Variants in NUP188 observed in about 807,000 individuals in gnomAD.
NUP188 encodes nucleoporin 188, also known as nucleoporin NUP188.
In NUP188, 97 loss-of-function variants were observed where a neutral mutation model predicts 223.0. The ratio of observed to expected loss-of-function variants is 0.43; its 90% CI spans 0.37 to 0.51. The LOEUF (loss-of-function observed/expected upper bound fraction) is 0.51, where lower values mean the gene tolerates loss of function less well. NUP188 is among the 20% of genes least tolerant of loss of function. NUP188 has a pLI of 0.00. For synonymous variants in NUP188, 869 were observed against 828.0 expected (o/e 1.05, Z -0.85); for missense variants, 1,947 against 2,175.6 (o/e 0.89, Z 2.09).
At position 129,002,897 on chromosome 9, in the gene NUP188, G is replaced by C. The variant is rs1422366966; in HGVS notation, c.4218G>C (p.Gln1406His). Residue 1406 changes from glutamine (Q) to histidine (H), a missense_variant, in exon 37 of 44, where the codon CAG becomes CAC. By Grantham distance (24) the Gln-to-His change is conservative. Coordinates refer to ENST00000372577, the MANE Select transcript of NUP188 (RefSeq NM_015354.3). ...VYRLSMSLME[Q>H]LLKTLRYNFL... ...GCCTGTCCATGTCCCTGATGGAGCA[G>C]CTGCTCAAAACTCTGCGCTACAACT... The C allele has an allele frequency of 6.2e-7, 1 of 1,614,108 alleles. No homozygotes were observed. Among genetic ancestry groups the C allele is most frequent in the African/African-American group, 1.3e-5 (1 of 74,948 alleles).
intron 41 of NUP188, 125 bp downstream of exon 41, chr9:129,005,901 C>G: frequency 1.4e-6 from 2 of 1,415,662 alleles, no homozygotes; most frequent in South Asian, 2.6e-5. Context: ...TCTCTGTAAA[C>G]TGAACATGAC....
Position 129,006,298 on chromosome 9 carries a change from G to C in NUP188, c.5003G>C (p.Arg1668Pro). Residue 1668 changes from arginine to proline, a missense_variant, in exon 43 of 44, where the codon CGG (arginine) becomes CCG (proline). By Grantham distance (103) the Arg-to-Pro change is moderately radical. Coordinates refer to ENST00000372577, the MANE Select transcript of NUP188 (RefSeq NM_015354.3). Reference sequence around the variant, plus strand: ...TACCTGCTCATCTCTCAGGCGATGCGGTACCTTAGGGACCCGGCTGTGCAC... The same window carrying C: ...TACCTGCTCATCTCTCAGGCGATGCCGTACCTTAGGGACCCGGCTGTGCAC... Reference protein sequence around the residue: ...CFYLLISQAMRYLRDPAVHPR... With the variant: ...CFYLLISQAMPYLRDPAVHPR... 1 of 1,614,126 alleles carries C rather than the reference G, an allele frequency of 6.2e-7. No homozygotes were observed. Among genetic ancestry groups the C allele is most frequent in the Non-Finnish European group, 8.5e-7 (1 of 1,180,024 alleles).
intron 2 of NUP188, among the ~76,000 whole-genome samples, chr9:128,950,267 G>T (rs1841763619): frequency 6.6e-6 from 1 of 151,660 alleles, no homozygotes; most frequent in African/African-American, 2.4e-5. Flanking sequence ...TCTCGCCCAG[G>T]TTGGAGTGCA....
chr9:128,980,725 G>A lies in NUP188; in HGVS notation c.1389G>A (p.Lys463=). ...ALVSGKSTAK[K]VYSFLDKMSF... is the part of the protein sequence containing the mutation. ...TATCAGGGAAGTCCACAGCCAAAAA[G>A]GTAAGTTGCTTAGTCAGATAAGTAA... The change falls in exon 14 of 44, where the codon AAG becomes AAA. Residue 463 remains lysine (K), a splice_region_variant and synonymous_variant. Transcript: ENST00000372577. The A allele has an allele frequency of 6.2e-7, 1 of 1,613,716 alleles. No individual in the cohort carries two copies. The highest frequency in any genetic ancestry group is 1.1e-5 in the South Asian group (1 of 90,950).
chr9:129,002,227 C>T (rs1842684240), intron 36 of NUP188, among the ~76,000 whole-genome samples: 1 of 152,232 alleles, frequency 6.6e-6, no homozygotes, highest in African/African-American at 2.4e-5. Flanking sequence ...GTGAGGAAGA[C>T]TAAACCAGAT....
intron 34 of NUP188, among the ~76,000 whole-genome samples, chr9:129,001,288 C>CG (rs968456945): frequency 4.0e-5 from 6 of 151,886 alleles, no homozygotes; most frequent in South Asian, 2.1e-4. Flanking sequence ...AGGGAAGAGG[C>CG]GGGGGTAGCT....
intron 8 of NUP188, among the ~76,000 whole-genome samples, chr9:128,967,220 G>C (rs906252341): frequency 4.6e-5 from 7 of 152,130 alleles, no homozygotes; most frequent in African/African-American, 1.7e-4. Flanking sequence ...GTGTTTCCCA[G>C]ACTAGTCTTG....
intron 8 of NUP188, among the ~76,000 whole-genome samples, chr9:128,967,720 G>A (rs576226222): frequency 6.6e-6 from 1 of 152,048 alleles, no homozygotes; most frequent in Non-Finnish European, 1.5e-5. Context: ...AACCTGGGAG[G>A]CGGAGGTTGC....
At chr9:128,951,049 C>T (rs1348948576) in intron 2 of NUP188, among the ~76,000 whole-genome samples, 9 of 150,408 alleles carry the variant, frequency 6.0e-5, no homozygotes, top group African/African-American at 2.0e-4. Context: ...TGGTGGCTCA[C>T]GCCTGTAATC....
At chr9:128,998,715 G>A in intron 32 of NUP188, 92 bp downstream of exon 32, 1 of 1,039,268 alleles carries the variant, frequency 9.6e-7, no homozygotes. Flanking sequence ...GTGGGTGGAA[G>A]CTGGGCTGGT....
intron 12 of NUP188, 46 bp downstream of exon 12, chr9:128,973,295 C>G (rs1468875658): frequency 7.4e-7 from 1 of 1,356,986 alleles, no homozygotes; most frequent in Non-Finnish European, 1.0e-6. Flanking sequence ...CCCAGCTTTG[C>G]AATCAAGTCC....
rs767549965 is a variant in NUP188 at position 128,958,018 on chromosome 9, G to A, written c.336G>A (p.Leu112=). The A allele has an allele frequency of 6.2e-7, 1 of 1,612,846 alleles. No homozygotes were observed. Among genetic ancestry groups the A allele is most frequent in the Non-Finnish European group, 8.5e-7 (1 of 1,179,398 alleles). ...RGTRDSVKTV[L]QDERQSQALI... The stretch of plus-strand genomic sequence containing the variant: ...TCTGTTTTTCTTTTCAGACAGTACT[G>A]CAAGATGAGAGGCAGAGCCAGGCCT... Residue 112 remains leucine, a synonymous_variant, in exon 6 of 44, where the codon CTG becomes CTA. Transcript: ENST00000372577.
intron 36 of NUP188, among the ~76,000 whole-genome samples, chr9:129,002,518 C>T (rs1052727687): frequency 1.1e-4 from 16 of 152,216 alleles, no homozygotes; most frequent in African/African-American, 2.9e-4. Flanking sequence ...TCATCTAGCC[C>T]AGCTACCCCT....
chr9:128,965,918 C>T (rs1019858199), intron 8 of NUP188, among the ~76,000 whole-genome samples: 1 of 151,640 alleles, frequency 6.6e-6, no homozygotes, highest in African/African-American at 2.4e-5. Flanking sequence ...CTGCCTCAGC[C>T]TCCCAAATAG....
intron 27 of NUP188, 50 bp downstream of exon 27, chr9:128,993,744 A>G: frequency 1.3e-6 from 2 of 1,529,082 alleles, no homozygotes; most frequent in Non-Finnish European, 1.8e-6. Context: ...ATAAAATGGG[A>G]GTAATAATAG....
intron 13 of NUP188, among the ~76,000 whole-genome samples, chr9:128,980,227 A>G (rs1343625549): frequency 6.6e-6 from 1 of 152,180 alleles, no homozygotes; most frequent in East Asian, 1.9e-4. Context: ...TCCTGGGAGA[A>G]GGAGAAGCTG....
intron 12 of NUP188, among the ~76,000 whole-genome samples, chr9:128,978,594 A>G (rs1299431597): frequency 1.3e-5 from 2 of 151,796 alleles, no homozygotes; most frequent in African/African-American, 2.4e-5. Flanking sequence ...AAAAGGAAGA[A>G]ACAAACCCAC....
intron 22 of NUP188, 139 bp from the exon 23 acceptor site, chr9:128,987,450 G>T: frequency 1.5e-6 from 1 of 671,222 alleles, no homozygotes. Flanking sequence ...AAAGTGATCA[G>T]AGTGCCTTCA....
intron 36 of NUP188, 115 bp from the exon 37 acceptor site, chr9:129,002,702 T>G: frequency 8.9e-7 from 1 of 1,119,696 alleles, no homozygotes; most frequent in Non-Finnish European, 1.3e-6. Flanking sequence ...AGTGGCTGTG[T>G]CTATTCTGGG....
Sources: allele counts gnomAD v4.1 joint callset (sites outside exome capture counted in the v4.1 genomes callset), GRCh38; gene constraint gnomAD v4.1.1; transcripts MANE v1.5; gene names NCBI Gene and HGNC (gene_info 2026-07-23, HGNC 2026-07-21).